PHF6: variants seen among roughly 807,000 people sequenced by gnomAD.
PHF6 encodes the protein PHD finger protein 6.
In PHF6, 7 loss-of-function variants were observed where a neutral mutation model predicts 34.0. The observed-to-expected ratio is 0.21, with a 90% confidence interval of 0.12 to 0.39. PHF6 has a LOEUF of 0.39. Ranked by LOEUF, PHF6 falls within the 10% of genes least tolerant of loss-of-function variation. The probability of loss-of-function intolerance (pLI) is 1.00; values close to 1 mark genes in which losing one functional copy is unlikely to be tolerated. For synonymous variants in PHF6, 89 were observed against 88.4 expected (o/e 1.01, Z -0.04); for missense variants, 128 against 262.8 (o/e 0.49, Z 3.55).
intron 8 of PHF6, among the ~76,000 whole-genome samples, chrX:134,416,737 T>G (rs919840218): frequency 1.8e-5 from 2 of 112,215 alleles, no homozygotes; most frequent in Non-Finnish European, 3.8e-5. Flanking sequence ...TTTCAGCCCC[T>G]TTAGTCTCCC....
At chrX:134,383,969 TA>T (rs1382691774) in intron 3 of PHF6, among the ~76,000 whole-genome samples, 1 of 112,506 alleles carries the variant, frequency 8.9e-6, no homozygotes, top group Non-Finnish European at 1.9e-5. Context: ...TTCTGTTAAA[TA>T]GTAATATCTT....
At chrX:134,394,304 T>C (rs2077367407) in intron 5 of PHF6, among the ~76,000 whole-genome samples, 1 of 110,255 alleles carries the variant, frequency 9.1e-6, no homozygotes, top group Non-Finnish European at 1.9e-5. Context: ...CAGCTAATTT[T>C]TGTATTTTTA....
rs1295264682 is a variant in PHF6 at position 134,427,739 on chromosome X, G to A, written c.*2079G>A. 9 of 159,119 alleles carry A rather than the reference G, an allele frequency of 5.7e-5. No homozygotes were observed. The highest frequency in any genetic ancestry group is 9.8e-5 in the Non-Finnish European group (8 of 81,988). The allele number at this position is 159,119 out of a possible 1,213,427, so 13.1% of individuals were successfully genotyped here. On this transcript the variant is annotated 3_prime_UTR_variant, in exon 11 of 11. Coordinates refer to ENST00000370803, the MANE Select transcript of PHF6 (RefSeq NM_001015877.2). The stretch of plus-strand genomic sequence containing the variant: ...GTGGTGTGATTGGCTAAACAATCTC[G>A]CATTAAAAATTCAAATGTAAATTGA...
chrX:134,377,897 T>C lies in PHF6; in HGVS notation c.139-108T>C, dbSNP rs940162923. On this transcript the variant is annotated intron_variant, in intron 2 of 10. Coordinates refer to ENST00000370803, the MANE Select transcript of PHF6 (RefSeq NM_001015877.2). ...TTAAGAAATGGTTTATCACTAATGCTATGCCATTTTTACTAGAAAATTACC... is the reference window on the plus strand; with the variant it reads ...TTAAGAAATGGTTTATCACTAATGCCATGCCATTTTTACTAGAAAATTACC... 5 of 913,006 alleles carry C rather than the reference T, an allele frequency of 5.5e-6. No homozygotes were observed. In the African/African-American group the frequency reaches 1.0e-4, roughly 18 times the overall value. The allele number at this position is 913,006 out of a possible 1,213,427, so 75.2% of individuals were successfully genotyped here. A position where few individuals can be genotyped will look rare whatever the true frequency, so the allele number is the denominator to read the frequency against.
rs774974810 is a variant in PHF6 at position 134,377,650 on chromosome X, T to C, written c.33T>C (p.Pro11=). ...GCTCAGTTGAACAGAAAAAAGGGCCTACAAGACAGCGCAAATGTGGCTTTT... is the reference window on the plus strand; with the variant it reads ...GCTCAGTTGAACAGAAAAAAGGGCCCACAAGACAGCGCAAATGTGGCTTTT... MSSSVEQKKG[P]TRQRKCGFCK... The change falls in exon 2 of 11, where the codon CCT becomes CCC. Residue 11 remains proline (P), a synonymous_variant. Transcript: ENST00000370803. 3.3e-6 allele frequency: 4 copies of C among 1,211,045 alleles called. No homozygotes were observed. The highest frequency in any genetic ancestry group is 1.8e-5 in the South Asian group (1 of 56,978).
At chrX:134,399,962 C>G (rs2077396208) in intron 5 of PHF6, among the ~76,000 whole-genome samples, 1 of 112,018 alleles carries the variant, frequency 8.9e-6, no homozygotes, top group Admixed American at 9.5e-5. Flanking sequence ...ACCACTGATA[C>G]TGATACCACT....
At chrX:134,392,939 G>A (rs932086647) in intron 3 of PHF6, among the ~76,000 whole-genome samples, 8 of 110,823 alleles carry the variant, frequency 7.2e-5, no homozygotes, top group Non-Finnish European at 1.3e-4. Flanking sequence ...TGGGATTAGA[G>A]GCATGCGCCA....
At position 134,413,635 on chromosome X, in the gene PHF6, A is replaced by T. The variant is rs1314978669; in HGVS notation, c.563A>T (p.Asp188Val). 8.3e-7 allele frequency: 1 copy of T among 1,211,520 alleles called. No homozygotes were observed. The highest frequency in any genetic ancestry group is 1.8e-5 in the South Asian group (1 of 56,916). ...AGGTCCACATCCTCCCATGGAACAGATGAAATGGAAAGTAGTTCCTATGTA... is the reference window on the plus strand; with the variant it reads ...AGGTCCACATCCTCCCATGGAACAGTTGAAATGGAAAGTAGTTCCTATGTA... ...DTRSTSSHGT[D>V]EMESSSYRDR... Residue 188 changes from aspartate to valine, a missense_variant, in exon 6 of 11, where the codon GAT (aspartate) becomes GTT (valine). Physicochemically the swap from Asp to Val is radical, Grantham distance 152. Coordinates refer to ENST00000370803, the MANE Select transcript of PHF6 (RefSeq NM_001015877.2).
chrX:134,384,787 GA>G (rs1569336167), intron 3 of PHF6, among the ~76,000 whole-genome samples: 1 of 108,972 alleles, frequency 9.2e-6, no homozygotes, highest in Non-Finnish European at 1.9e-5. Context: ...GAGTAGCTGG[GA>G]CTACAGGCGC....
At chrX:134,385,112 C>G (rs775358884) in intron 3 of PHF6, among the ~76,000 whole-genome samples, 2 of 111,722 alleles carry the variant, frequency 1.8e-5, no homozygotes, top group Non-Finnish European at 3.8e-5. Flanking sequence ...TGTCCAGAGG[C>G]CTCAGCCTGC....
At chrX:134,407,203 T>TA (rs1388354189) in intron 5 of PHF6, among the ~76,000 whole-genome samples, 1 of 112,254 alleles carries the variant, frequency 8.9e-6, no homozygotes, top group Non-Finnish European at 1.9e-5. Context: ...AGATGACCGT[T>TA]ACAACTTTGT....
chrX:134,395,514 A>G (rs1322004922), intron 5 of PHF6, among the ~76,000 whole-genome samples: 1 of 112,244 alleles, frequency 8.9e-6, no homozygotes, highest in Non-Finnish European at 1.9e-5. Flanking sequence ...TTTACTAGCA[A>G]TATAAAATGG....
chrX:134,405,296 G>A (rs966913994), intron 5 of PHF6, among the ~76,000 whole-genome samples: 3 of 110,921 alleles, frequency 2.7e-5, no homozygotes, highest in Admixed American at 1.9e-4. Context: ...TCCACCTCCC[G>A]GGTTCAAGCG....
In PHF6 at chrX:134,395,523, G is replaced by A. The variant is rs376185787; in HGVS notation, c.418+1571G>A. On this transcript the variant is annotated intron_variant, in intron 5 of 10. Coordinates refer to ENST00000370803, the MANE Select transcript of PHF6 (RefSeq NM_001015877.2). ...GATACTTTTACTAGCAATATAAAAT[G>A]GCTTAGATGTAATCTGCGATTGTTC... Among the ~76,000 whole-genome samples the A allele has an allele frequency of 8.9e-5, 10 of 111,986 alleles. No individual in the cohort carries two copies. The East Asian group carries it at 2.2e-3, about 25-fold the overall frequency.
At position 134,427,460 on chromosome X, in the gene PHF6, C is replaced by T. The variant is rs1344428360; in HGVS notation, c.*1800C>T. On this transcript the variant is annotated 3_prime_UTR_variant, in exon 11 of 11. Coordinates refer to ENST00000370803, the MANE Select transcript of PHF6 (RefSeq NM_001015877.2). ...TAGACTTACCCATGGGACAACAGAG[C>T]TCCTTCATTTTTGGACAACTACTGT... is the stretch of plus-strand genomic sequence containing the variant. 3 of 158,720 alleles carry T rather than the reference C, an allele frequency of 1.9e-5. No homozygotes were observed. The highest frequency in any genetic ancestry group is 3.7e-5 in the Non-Finnish European group (3 of 81,884). The allele number at this position is 158,720 out of a possible 1,213,427, so 13.1% of individuals were successfully genotyped here. A position where few individuals can be genotyped will look rare whatever the true frequency, so the allele number is the denominator to read the frequency against.
At chrX:134,379,679 T>C (rs761045204) in intron 3 of PHF6, among the ~76,000 whole-genome samples, 72 of 110,244 alleles carry the variant, frequency 6.5e-4, no homozygotes, top group Non-Finnish European at 8.1e-4. Context: ...AGACCTCAGG[T>C]GATTTGCCCA....
At chrX:134,410,528 T>C (rs1329298817) in intron 5 of PHF6, among the ~76,000 whole-genome samples, 1 of 112,102 alleles carries the variant, frequency 8.9e-6, no homozygotes, top group Non-Finnish European at 1.9e-5. Context: ...CTTGATCTGT[T>C]TTTCCATTTG....
At chrX:134,407,761 C>A (rs1181818970) in intron 5 of PHF6, among the ~76,000 whole-genome samples, 1 of 110,499 alleles carries the variant, frequency 9.0e-6, no homozygotes, top group Non-Finnish European at 1.9e-5. Context: ...TGTGGAAGAT[C>A]CAAGATTCAA....
At chrX:134,375,508 C>T (rs1384908988) in intron 1 of PHF6, among the ~76,000 whole-genome samples, 6 of 111,375 alleles carry the variant, frequency 5.4e-5, no homozygotes, top group Non-Finnish European at 9.4e-5. Context: ...TTTTTCCATT[C>T]TAGAAATTTT....
Sources: gnomAD v4.1 joint callset for allele counts (sites outside exome capture counted in the v4.1 genomes callset) on GRCh38, gnomAD v4.1.1 for gene constraint, MANE v1.5 for transcripts, NCBI Gene and HGNC (gene_info 2026-07-23, HGNC 2026-07-21) for gene names.